The following AGXT2 variants were observed in gnomAD, a reference collection of about 807,000 sequenced individuals.
The protein encoded by AGXT2 is alanine--glyoxylate aminotransferase 2.
A neutral mutation model predicts 62.5 loss-of-function variants in AGXT2; 61 were observed. The ratio of observed to expected loss-of-function variants is 0.98; its 90% CI spans 0.79 to 1.21. AGXT2 has a LOEUF of 1.21. Ranked by LOEUF, AGXT2 falls within the 50% of genes most tolerant of loss-of-function variation. The pLI is 0.00. For missense variants in AGXT2, 666 were observed against 641.5 expected (o/e 1.04, Z -0.41); for synonymous variants, 243 against 218.7 (o/e 1.11, Z -0.98).
At position 35,036,924 on chromosome 5, in the gene AGXT2, G is replaced by T. The variant is rs751146596; in HGVS notation, c.486+18C>A. The stretch of plus-strand genomic sequence containing the variant: ...TTTTCCCCCATAACATTCACCTCCT[G>T]CAGGAAGAGCATTGTACCTTAAGAG... On this transcript the variant is annotated intron_variant, in intron 4 of 13. Transcript: ENST00000231420. The T allele has an allele frequency of 1.1e-5, 18 of 1,613,658 alleles. No individual in the cohort carries two copies. The highest frequency in any genetic ancestry group is 1.4e-5 in the Non-Finnish European group (17 of 1,179,844).
intron 8 of AGXT2, 63 bp from the exon 9 acceptor site, chr5:35,025,918 A>G: frequency 7.0e-7 from 1 of 1,421,190 alleles, no homozygotes; most frequent in South Asian, 1.2e-5. Flanking sequence ...AGTATATAAA[A>G]AAGTTAGATC....
At chr5:35,003,884 C>A (rs999617655) in intron 12 of AGXT2, 23 bp from the exon 13 acceptor site, 1 of 1,608,286 alleles carries the variant, frequency 6.2e-7, no homozygotes, top group South Asian at 1.1e-5. Flanking sequence ...TTTTAAAATT[C>A]TTTCTATTTG....
intron 12 of AGXT2, among the ~76,000 whole-genome samples, chr5:35,004,980 A>G (rs1218867958): frequency 6.6e-6 from 1 of 152,226 alleles, no homozygotes; most frequent in African/African-American, 2.4e-5. Flanking sequence ...AGCAAAATAC[A>G]TATTCAAACT....
At chr5:35,032,871 C>T (rs1270679670) in intron 6 of AGXT2, 46 bp from the exon 7 acceptor site, 2 of 1,516,864 alleles carry the variant, frequency 1.3e-6, no homozygotes, top group Admixed American at 1.9e-5. Flanking sequence ...GAACACAAGA[C>T]AGCCAAGTTA....
At chr5:35,025,701 G>A (rs1026155162) in intron 9 of AGXT2, 62 bp downstream of exon 9, 1 of 1,531,656 alleles carries the variant, frequency 6.5e-7, no homozygotes, top group Non-Finnish European at 9.0e-7. Flanking sequence ...AAGTTTAGGA[G>A]GTTTCTGTCT....
chr5:34,999,486 C>T (rs553094591), intron 13 of AGXT2, among the ~76,000 whole-genome samples: 6 of 152,184 alleles, frequency 3.9e-5, no homozygotes, highest in East Asian at 3.9e-4. Context: ...CCAATCCCAG[C>T]GCTAATGAAA....
chr5:35,008,955 T>C (rs1283746374), intron 12 of AGXT2, among the ~76,000 whole-genome samples: 1 of 152,182 alleles, frequency 6.6e-6, no homozygotes, highest in Non-Finnish European at 1.5e-5. Context: ...CTATAGGGGC[T>C]GCAGTAGAAA....
chr5:35,028,508 C>T (rs1205929566), intron 7 of AGXT2, among the ~76,000 whole-genome samples: 2 of 145,050 alleles, frequency 1.4e-5, no homozygotes, highest in Admixed American at 7.1e-5. Context: ...CAGAAGCCTT[C>T]ATCTGTGTGT....
rs369180580 is a variant in AGXT2 at position 35,032,727 on chromosome 5, C to T, written c.769+5G>A. Reference sequence around the variant, plus strand: ...TCCACTGGCACCCCCCTTGCCCAGTCGGACCTGGTGCACAGCTGCACTTCC... The same window carrying T: ...TCCACTGGCACCCCCCTTGCCCAGTTGGACCTGGTGCACAGCTGCACTTCC... On this transcript the variant is annotated splice_donor_5th_base_variant and intron_variant, in intron 7 of 13. Transcript: ENST00000231420. 3.6e-5 allele frequency: 58 copies of T among 1,602,136 alleles called. 1 individual carries two copies. In the Middle Eastern group the frequency reaches 5.0e-4, roughly 14 times the overall value.
intron 9 of AGXT2, 67 bp from the exon 10 acceptor site, chr5:35,014,186 G>A (rs1312927859): frequency 6.2e-7 from 1 of 1,602,982 alleles, no homozygotes; most frequent in Non-Finnish European, 8.5e-7. Context: ...GGGCGCGGTG[G>A]CTCACACCTG....
chr5:35,023,149 G>C (rs1472994158), intron 9 of AGXT2, among the ~76,000 whole-genome samples: 2 of 137,852 alleles, frequency 1.5e-5, no homozygotes, highest in African/African-American at 5.3e-5. Context: ...TAATAAAATT[G>C]TGGTGATGGC....
At chr5:35,037,200 A>C (rs1767810000) in intron 3 of AGXT2, 135 bp from the exon 4 acceptor site, 5 of 1,320,398 alleles carry the variant, frequency 3.8e-6, no homozygotes, top group Non-Finnish European at 5.2e-6. Flanking sequence ...ACATGAGAAT[A>C]AACTCCTTTA....
At chr5:35,034,200 CTTTTAA>C (rs1767683969) in intron 5 of AGXT2, among the ~76,000 whole-genome samples, 1 of 151,908 alleles carries the variant, frequency 6.6e-6, no homozygotes, top group African/African-American at 2.4e-5. Flanking sequence ...TTTGCCATTA[CTTTTAA>C]TGGCAGAAAT....
Position 35,000,870 on chromosome 5 carries a change from T to C in AGXT2, c.1438-2044A>G, listed in dbSNP as rs534885564. Among the ~76,000 whole-genome samples the C allele has an allele frequency of 3.7e-4, 57 of 152,342 alleles. 1 individual carries two copies. The highest frequency in any genetic ancestry group is 1.3e-3 in the African/African-American group (56 of 41,584). On this transcript the variant is annotated intron_variant, in intron 13 of 13. Coordinates refer to ENST00000231420, the MANE Select transcript of AGXT2 (RefSeq NM_031900.4). ...TACAGATGGTCCCTGACAGAATATT[T>C]TTGACTTTACAATGATGGGAAAGTG...
chr5:35,029,730 T>C (rs1323967082), intron 7 of AGXT2, among the ~76,000 whole-genome samples: 1 of 152,184 alleles, frequency 6.6e-6, no homozygotes, highest in Admixed American at 6.5e-5. Flanking sequence ...ACATGATCAG[T>C]ACGAGGTTTG....
chr5:35,025,363 C>T (rs6888964), intron 9 of AGXT2, among the ~76,000 whole-genome samples: 7,681 of 152,150 alleles, frequency 0.05, 668 homozygotes, highest in African/African-American at 0.18. Context: ...GATGACAGAG[C>T]GAGACTTTGT....
In AGXT2 at chr5:35,033,450, C is replaced by A. The variant is rs765462698; in HGVS notation, c.675+10G>T. The A allele has an allele frequency of 1.9e-6, 3 of 1,599,658 alleles. No individual in the cohort carries two copies. Among genetic ancestry groups the A allele is most frequent in the Non-Finnish European group, 1.7e-6 (2 of 1,166,780 alleles). On this transcript the variant is annotated intron_variant, in intron 6 of 13. Coordinates refer to ENST00000231420, the MANE Select transcript of AGXT2 (RefSeq NM_031900.4). ...CTTTAAAGAAACAAGAGAAAAATCT[C>A]CAAACTCACTGGTTGGCAACCTGTC...
chr5:35,015,069 C>A (rs1271312824), intron 9 of AGXT2, among the ~76,000 whole-genome samples: 2 of 152,208 alleles, frequency 1.3e-5, no homozygotes, highest in Non-Finnish European at 2.9e-5. Flanking sequence ...CTAGAAGACC[C>A]TCTTCTTGCT....
intron 9 of AGXT2, among the ~76,000 whole-genome samples, chr5:35,016,271 T>A (rs1766848260): frequency 6.6e-6 from 1 of 152,194 alleles, no homozygotes; most frequent in African/African-American, 2.4e-5. Flanking sequence ...TCCATTTTGC[T>A]CCTAACCAGC....
Sources: allele counts gnomAD v4.1 joint callset (sites outside exome capture counted in the v4.1 genomes callset), GRCh38; gene constraint gnomAD v4.1.1; transcripts MANE v1.5; gene names NCBI Gene and HGNC (gene_info 2026-07-23, HGNC 2026-07-21).